DMXL2: variants seen among roughly 807,000 people sequenced by gnomAD.
DMXL2 encodes dmX-like protein 2.
DMXL2 carries 103 observed loss-of-function variants against 331.1 expected under a neutral mutation model. The ratio of observed to expected loss-of-function variants is 0.31; its 90% CI spans 0.27 to 0.37. DMXL2 has a LOEUF of 0.37. DMXL2 is among the 10% of genes least tolerant of loss of function. The pLI, the probability that DMXL2 is intolerant of heterozygous loss-of-function variation, is 1.00. For synonymous variants in DMXL2, 1,281 were observed against 1,252.1 expected, an observed-to-expected ratio of 1.02 and a Z score of -0.49; for missense variants, 3,171 against 3,642.9, an observed-to-expected ratio of 0.87 and a Z score of 3.33.
intron 1 of DMXL2, among the ~76,000 whole-genome samples, chr15:51,618,237 T>C (rs747818417): frequency 3.9e-5 from 6 of 152,190 alleles, no homozygotes; most frequent in Non-Finnish European, 8.8e-5. Context: ...TATGTGTCTT[T>C]TACTCTCGTA....
intron 39 of DMXL2, among the ~76,000 whole-genome samples, chr15:51,455,667 A>G (rs2039559225): frequency 6.6e-6 from 1 of 152,198 alleles, no homozygotes; most frequent in Admixed American, 6.5e-5. Flanking sequence ...TTGTAATTAC[A>G]GGTGTGAACC....
rs1442464152 is a variant in DMXL2 at position 51,536,625 on chromosome 15, C to G, written c.1855G>C (p.Gly619Arg). The G allele has an allele frequency of 3.7e-6, 6 of 1,613,932 alleles. No individual in the cohort carries two copies. The highest frequency in any genetic ancestry group is 1.7e-5 in the Admixed American group (1 of 59,974). ...GTGACTGCCCACTGATTTAAAGAAC[C>G]ATCTATGTGTTTAGAGATCATCATT... ...TVMMISKHID[G>R]SLNQWAVTFA... Residue 619 changes from glycine to arginine, a missense_variant, in exon 12 of 44, where the codon GGT (glycine) becomes CGT (arginine). Transcript: ENST00000560891.
intron 13 of DMXL2, 96 bp downstream of exon 13, chr15:51,535,567 C>T: frequency 3.5e-6 from 4 of 1,142,562 alleles, no homozygotes; most frequent in Non-Finnish European, 4.9e-6. Flanking sequence ...TATACTTACT[C>T]CCTAAACAGC....
chr15:51,622,570 T>A lies in DMXL2; in HGVS notation c.-25A>T. ...TCTCCGGAGCCCGGGCTGGACAGAA[T>A]GCGCGGGAGGTGCGACAAGCTCCGC... On this transcript the variant is annotated 5_prime_UTR_variant, in exon 1 of 44. Coordinates refer to ENST00000560891, the MANE Select transcript of DMXL2 (RefSeq NM_001378457.1). 2 of 1,541,538 alleles carry A rather than the reference T, an allele frequency of 1.3e-6. No individual in the cohort carries two copies.
chr15:51,601,034 G>T (rs776677095), intron 1 of DMXL2, among the ~76,000 whole-genome samples: 1 of 152,158 alleles, frequency 6.6e-6, no homozygotes, highest in Non-Finnish European at 1.5e-5. Flanking sequence ...GCTTATGCCT[G>T]TAATCCCAGC....
chr15:51,568,379 A>G, intron 3 of DMXL2, 108 bp downstream of exon 3: 1 of 666,572 alleles, frequency 1.5e-6, no homozygotes, highest in East Asian at 3.1e-5. Context: ...TTTCACTGAT[A>G]CTCTAGTCTA....
chr15:51,598,675 A>G (rs922598105), intron 1 of DMXL2, among the ~76,000 whole-genome samples: 1 of 152,138 alleles, frequency 6.6e-6, no homozygotes, highest in Admixed American at 6.6e-5. Flanking sequence ...GTTTCCTCTC[A>G]ATTAGATTTA....
In DMXL2 at chr15:51,595,077, C is replaced by T. The variant is rs577000286; in HGVS notation, c.88-18896G>A. Among the ~76,000 whole-genome samples, 205 of 152,158 alleles carry T rather than the reference C, an allele frequency of 1.3e-3. 1 individual carries two copies. The highest frequency in any genetic ancestry group is 4.7e-3 in the African/African-American group (196 of 41,454). ...TGTTGGAAGTTCTGGCCAGGGCAATCAGGCAGGAGAAGGAAATAAAGGGTA... is the reference window on the plus strand; with the variant it reads ...TGTTGGAAGTTCTGGCCAGGGCAATTAGGCAGGAGAAGGAAATAAAGGGTA... On this transcript the variant is annotated intron_variant, in intron 1 of 43. Coordinates refer to ENST00000560891, the MANE Select transcript of DMXL2 (RefSeq NM_001378457.1).
At chr15:51,582,287 T>C (rs1486275518) in intron 1 of DMXL2, among the ~76,000 whole-genome samples, 7 of 152,202 alleles carry the variant, frequency 4.6e-5, no homozygotes, top group Non-Finnish European at 8.8e-5. Flanking sequence ...TACATGACTA[T>C]AATTCAAACT....
intron 19 of DMXL2, among the ~76,000 whole-genome samples, chr15:51,494,329 TTCTA>T (rs2043012966): frequency 6.6e-6 from 1 of 152,174 alleles, no homozygotes; most frequent in South Asian, 2.1e-4. Flanking sequence ...GTGTTCTAGG[TTCTA>T]TAATACTAAG....
chr15:51,530,548 G>A (rs1022706661), intron 13 of DMXL2, among the ~76,000 whole-genome samples: 2 of 150,458 alleles, frequency 1.3e-5, no homozygotes, highest in Admixed American at 6.6e-5. Flanking sequence ...TCAGGAGATC[G>A]AGACCATCCT....
intron 1 of DMXL2, among the ~76,000 whole-genome samples, chr15:51,587,221 GGTTT>G (rs2051910260): frequency 6.6e-6 from 1 of 152,144 alleles, no homozygotes. Flanking sequence ...ACAACGTGCA[GGTTT>G]GTTACATATG....
chr15:51,471,490 C>G, intron 28 of DMXL2, 89 bp from the exon 29 acceptor site: 1 of 1,295,086 alleles, frequency 7.7e-7, no homozygotes. Flanking sequence ...CCTACTCTTG[C>G]CATGTTTTGG....
chr15:51,594,665 A>G (rs200063882), intron 1 of DMXL2, among the ~76,000 whole-genome samples: 2 of 152,206 alleles, frequency 1.3e-5, no homozygotes, highest in East Asian at 1.9e-4. Flanking sequence ...AAAATCCTCA[A>G]TAAAATACTG....
chr15:51,617,223 C>G (rs575582752), intron 1 of DMXL2, among the ~76,000 whole-genome samples: 19 of 152,176 alleles, frequency 1.2e-4, no homozygotes, highest in African/African-American at 4.6e-4. Context: ...TTTTAAATAG[C>G]CCAAATCCTA....
intron 1 of DMXL2, among the ~76,000 whole-genome samples, chr15:51,586,632 A>AGTTTGTT (rs2051848752): frequency 6.6e-6 from 1 of 152,148 alleles, no homozygotes; most frequent in South Asian, 2.1e-4. Context: ...ATGGAGCTAT[A>AGTTTGTT]ACAAACTTCT....
intron 19 of DMXL2, 61 bp from the exon 20 acceptor site, chr15:51,491,808 T>G: frequency 7.0e-7 from 1 of 1,438,098 alleles, no homozygotes; most frequent in Non-Finnish European, 9.4e-7. Context: ...GAAAAACAAT[T>G]TTTCATGCAG....
chr15:51,481,046 T>A lies in DMXL2; in HGVS notation c.6060A>T (p.Leu2020Phe), dbSNP rs142798764. 9 of 1,614,082 alleles carry A rather than the reference T, an allele frequency of 5.6e-6. No homozygotes were observed. The African/African-American group carries it at 1.2e-4, about 22-fold the overall frequency. ...SDQKASDPNM[L>F]LTPQEEDDPE... ...GATCATCCTCTTCCTGAGGTGTTAA[T>A]AACATGTTAGGGTCTGAGGCCTTCT... Residue 2020 changes from leucine (L) to phenylalanine (F), a missense_variant, in exon 24 of 44, where the codon TTA becomes TTT. Transcript: ENST00000560891.
chr15:51,549,782 C>A (rs935732074), intron 6 of DMXL2, among the ~76,000 whole-genome samples: 2 of 151,990 alleles, frequency 1.3e-5, no homozygotes, highest in African/African-American at 2.4e-5. Flanking sequence ...CTATTGATGT[C>A]CTCAGTCCAT....
Sources: allele counts gnomAD v4.1 joint callset (sites outside exome capture counted in the v4.1 genomes callset), GRCh38; gene constraint gnomAD v4.1.1; transcripts MANE v1.5; gene names NCBI Gene and HGNC (gene_info 2026-07-23, HGNC 2026-07-21).